KLHL32: variants seen among roughly 807,000 people sequenced by gnomAD.
KLHL32 encodes the protein kelch-like protein 32.
A neutral mutation model predicts 64.8 loss-of-function variants in KLHL32; 35 were observed. That is an observed-to-expected ratio of 0.54 (90% confidence interval 0.41 to 0.72). The LOEUF is 0.72. Ranked by LOEUF, KLHL32 falls within the 30% of genes least tolerant of loss-of-function variation. The probability of loss-of-function intolerance (pLI) is 0.00; values close to 1 mark genes in which losing one functional copy is unlikely to be tolerated. For synonymous variants in KLHL32, 259 were observed against 281.0 expected, an observed-to-expected ratio of 0.92 and a Z score of 0.78; for missense variants, 589 against 768.5, an observed-to-expected ratio of 0.77 and a Z score of 2.76.
At chr6:96,924,266 G>A (rs1288778709), upstream of KLHL32, among the ~76,000 whole-genome samples, 3 of 152,298 alleles carry the variant, frequency 2.0e-5, no homozygotes, top group East Asian at 5.8e-4. Context: ...GGGTCTGTTT[G>A]CTCAGATTGC....
chr6:97,137,383 A>T lies in KLHL32; in HGVS notation c.1702-1738A>T, dbSNP rs961023447. 2.6e-5 allele frequency among the ~76,000 whole-genome samples: 4 copies of T among 152,298 alleles called. No individual in the cohort carries two copies. In the East Asian group the frequency reaches 7.7e-4, roughly 29 times the overall value. ...TATTTTAAATTAGTAGTGACAGGGT[A>T]TATTGTTCAATAAAGAGATTGGGAC... On this transcript the variant is annotated intron_variant, in intron 10 of 10. Transcript: ENST00000369261.
rs1367346558 is a variant in KLHL32 at position 97,139,319 on chromosome 6, TCTGA to T, written c.*41_*44del. 5 of 1,570,464 alleles carry T rather than the reference TCTGA, an allele frequency of 3.2e-6. No individual in the cohort carries two copies. In the South Asian group the frequency reaches 5.7e-5, roughly 18 times the overall value. On this transcript the variant is annotated 3_prime_UTR_variant, in exon 11 of 11. Transcript: ENST00000369261. ...ATCATGAACAGGAGGAAAACATAGC[TCTGA>T]CTGTTGGATACTGGGCATGAAAAGA...
intron 5 of KLHL32, among the ~76,000 whole-genome samples, chr6:97,067,908 T>C (rs9400539): frequency 0.11 from 16,959 of 152,012 alleles, 1,062 homozygotes; most frequent in African/African-American, 0.18. Flanking sequence ...GACTTGCCAT[T>C]AGGGGAGAAG....
At chr6:97,041,031 A>G (rs1231867423) in intron 3 of KLHL32, among the ~76,000 whole-genome samples, 3 of 152,198 alleles carry the variant, frequency 2.0e-5, no homozygotes, top group East Asian at 1.9e-4. Flanking sequence ...TCTTTATAGC[A>G]TATGAAAATG....
At chr6:97,125,467 GGA>G (rs1185514162) in intron 7 of KLHL32, among the ~76,000 whole-genome samples, 6 of 152,190 alleles carry the variant, frequency 3.9e-5, no homozygotes, top group Non-Finnish European at 7.3e-5. Flanking sequence ...TATAGCAATA[GGA>G]GAGAGAGATC....
chr6:96,923,801 G>A (rs1364886970), upstream of KLHL32, among the ~76,000 whole-genome samples: 1 of 152,192 alleles, frequency 6.6e-6, no homozygotes, highest in East Asian at 1.9e-4. Flanking sequence ...CACTCTTCCT[G>A]CTTCTGGTGT....
chr6:97,076,628 C>T (rs568826461), intron 5 of KLHL32, among the ~76,000 whole-genome samples: 3 of 152,182 alleles, frequency 2.0e-5, no homozygotes, highest in Admixed American at 2.0e-4. Context: ...AAATTAGGAA[C>T]CTAAGTAAAT....
intron 2 of KLHL32, among the ~76,000 whole-genome samples, chr6:96,968,075 T>G (rs1190832443): frequency 6.6e-6 from 1 of 152,180 alleles, no homozygotes; most frequent in African/African-American, 2.4e-5. Flanking sequence ...GAGACCAGCT[T>G]CTTTCCATGA....
intron 6 of KLHL32, among the ~76,000 whole-genome samples, chr6:97,107,743 G>T (rs1021166897): frequency 6.6e-6 from 1 of 152,150 alleles, no homozygotes; most frequent in East Asian, 1.9e-4. Flanking sequence ...CCATAAAGAT[G>T]AGATAATAAA....
intron 3 of KLHL32, among the ~76,000 whole-genome samples, chr6:97,004,269 T>G (rs1701813275): frequency 6.6e-6 from 1 of 152,156 alleles, no homozygotes; most frequent in South Asian, 2.1e-4. Flanking sequence ...TGATTTGGCT[T>G]TCAGCTTGGA....
intron 8 of KLHL32, among the ~76,000 whole-genome samples, 174 bp from the exon 9 acceptor site, chr6:97,130,583 C>T (rs1799333075): frequency 6.6e-6 from 1 of 152,134 alleles, no homozygotes. Flanking sequence ...CTCTTTTGTA[C>T]TTGTTCTCAT....
chr6:97,116,506 A>G (rs1282365946), intron 7 of KLHL32, among the ~76,000 whole-genome samples: 1 of 152,198 alleles, frequency 6.6e-6, no homozygotes, highest in Non-Finnish European at 1.5e-5. Flanking sequence ...TTAGTTTCAT[A>G]TATTATTAAT....
intron 3 of KLHL32, among the ~76,000 whole-genome samples, chr6:96,984,261 C>G (rs548785773): frequency 6.6e-6 from 1 of 152,170 alleles, no homozygotes; most frequent in Non-Finnish European, 1.5e-5. Flanking sequence ...GTTATAATTT[C>G]TGTTCTTTTA....
intron 3 of KLHL32, among the ~76,000 whole-genome samples, chr6:96,986,735 G>T (rs534613589): frequency 6.6e-6 from 1 of 152,172 alleles, no homozygotes; most frequent in African/African-American, 2.4e-5. Context: ...ACAGTATTAG[G>T]GTGGGAGTGA....
chr6:97,081,230 AGG>A (rs1792459154), intron 5 of KLHL32, among the ~76,000 whole-genome samples: 2 of 152,150 alleles, frequency 1.3e-5, no homozygotes, highest in Admixed American at 6.5e-5. Context: ...TGGGCAAAGC[AGG>A]GTTAGCAGGC....
intron 3 of KLHL32, among the ~76,000 whole-genome samples, chr6:96,978,051 T>C (rs1160000104): frequency 6.6e-6 from 1 of 152,188 alleles, no homozygotes; most frequent in Non-Finnish European, 1.5e-5. Flanking sequence ...GATTATGGAA[T>C]AGGAATTTTG....
In KLHL32 at chr6:97,083,907, G is replaced by A. The variant is rs868030118; in HGVS notation, c.412-1219G>A. Among the ~76,000 whole-genome samples, 7 of 152,270 alleles carry A rather than the reference G, an allele frequency of 4.6e-5. No homozygotes were observed. The South Asian group carries it at 6.2e-4, about 14-fold the overall frequency. On this transcript the variant is annotated intron_variant, in intron 5 of 10. Coordinates refer to ENST00000369261, the MANE Select transcript of KLHL32 (RefSeq NM_052904.4). Reference sequence around the variant, plus strand: ...ATTGGTGCTTATTTTGCTTACACATGGTTTAACCAAAAGGACAAAAAGCAA... The same window carrying A: ...ATTGGTGCTTATTTTGCTTACACATAGTTTAACCAAAAGGACAAAAAGCAA...
chr6:96,913,546 T>C, the KLHL32 span, among the ~76,000 whole-genome samples: 3 of 152,154 alleles, frequency 2.0e-5, no homozygotes, highest in Admixed American at 2.0e-4. Context: ...ATTCCTGAAA[T>C]TTTACCAATA....
At position 97,127,459 on chromosome 6, in the gene KLHL32, C is replaced by T; in HGVS notation, c.1410C>T (p.Asn470=). The change falls in exon 8 of 11, where the codon AAC becomes AAT. Residue 470 remains asparagine, a synonymous_variant. Coordinates refer to ENST00000369261, the MANE Select transcript of KLHL32 (RefSeq NM_052904.4). ...ACAGGCTAATGGTGTATGAACCTAA[C>T]CAGGTAAGAATCATGTAAGAACACC... is the stretch of plus-strand genomic sequence containing the variant. ...YQNRLMVYEP[N]QNKWISRSPM... 2.5e-6 allele frequency: 4 copies of T among 1,610,932 alleles called. No homozygotes were observed. Among genetic ancestry groups the T allele is most frequent in the Non-Finnish European group, 3.4e-6 (4 of 1,177,454 alleles).
Sources: gnomAD v4.1 joint callset for allele counts (sites outside exome capture counted in the v4.1 genomes callset) on GRCh38, gnomAD v4.1.1 for gene constraint, MANE v1.5 for transcripts, NCBI Gene and HGNC (gene_info 2026-07-23, HGNC 2026-07-21) for gene names.